The following EPHA6 variants were observed in gnomAD, a reference collection of about 807,000 sequenced individuals.
The protein encoded by EPHA6 is ephrin type-A receptor 6.
In EPHA6, 50 loss-of-function variants were observed where a neutral mutation model predicts 112.0. That is an observed-to-expected ratio of 0.45 (90% CI 0.36 to 0.56). The LOEUF (loss-of-function observed/expected upper bound fraction) is 0.56, where lower values mean the gene tolerates loss of function less well. EPHA6 is among the 20% of genes least tolerant of loss of function. The pLI is 0.00. For synonymous variants in EPHA6, 529 were observed against 490.7 expected (o/e 1.08, Z -1.03); for missense variants, 1,280 against 1,417.4 (o/e 0.90, Z 1.56).
At chr3:97,679,888 G>T (rs2031721411) in intron 14 of EPHA6, among the ~76,000 whole-genome samples, 1 of 152,124 alleles carries the variant, frequency 6.6e-6, no homozygotes, top group Admixed American at 6.6e-5. Context: ...TTAACCCTTT[G>T]TGACCCAAAG....
At chr3:96,854,575 A>T (rs977467629) in intron 1 of EPHA6, among the ~76,000 whole-genome samples, 2 of 152,150 alleles carry the variant, frequency 1.3e-5, no homozygotes, top group Non-Finnish European at 2.9e-5. Flanking sequence ...CCAACTTTAT[A>T]CATAGAACCT....
intron 2 of EPHA6, among the ~76,000 whole-genome samples, chr3:96,938,593 T>G (rs28874123): frequency 6.6e-6 from 1 of 151,986 alleles, no homozygotes; most frequent in Non-Finnish European, 1.5e-5. Flanking sequence ...AATTGAATAC[T>G]CTTTATTTCC....
chr3:97,139,269 C>T (rs1286667781), intron 3 of EPHA6, among the ~76,000 whole-genome samples: 3 of 152,200 alleles, frequency 2.0e-5, no homozygotes, highest in African/African-American at 7.2e-5. Flanking sequence ...ACCAACACAG[C>T]TGCCTCTCTC....
At chr3:97,734,294 C>T (rs1386853802) in intron 15 of EPHA6, among the ~76,000 whole-genome samples, 1 of 152,000 alleles carries the variant, frequency 6.6e-6, no homozygotes, top group Non-Finnish European at 1.5e-5. Context: ...AAATGGAATT[C>T]TATGCTATTT....
At chr3:97,539,906 G>A (rs112599442) in intron 11 of EPHA6, among the ~76,000 whole-genome samples, 1 of 152,126 alleles carries the variant, frequency 6.6e-6, no homozygotes, top group East Asian at 1.9e-4. Context: ...AGCTGACCAG[G>A]AAATAATAGA....
chr3:97,379,207 CT>C (rs2085564574), intron 5 of EPHA6, among the ~76,000 whole-genome samples: 3 of 152,234 alleles, frequency 2.0e-5, no homozygotes, highest in Admixed American at 6.5e-5. Context: ...CTTGAAGTGC[CT>C]TTCAGCTCCC....
At chr3:97,001,284 T>TA (rs537921538) in intron 3 of EPHA6, among the ~76,000 whole-genome samples, 4 of 151,908 alleles carry the variant, frequency 2.6e-5, no homozygotes, top group African/African-American at 9.7e-5. Context: ...GTATTTTACA[T>TA]AAATACATTC....
At chr3:97,492,314 G>C (rs1175339936) in intron 10 of EPHA6, among the ~76,000 whole-genome samples, 1 of 151,616 alleles carries the variant, frequency 6.6e-6, no homozygotes, top group African/African-American at 2.4e-5. Context: ...AGGCCGAGGC[G>C]TGCAGATCAT....
chr3:97,553,371 T>G (rs2093056041), intron 11 of EPHA6, among the ~76,000 whole-genome samples: 2 of 152,190 alleles, frequency 1.3e-5, no homozygotes, highest in South Asian at 4.1e-4. Context: ...AAATCTAAAG[T>G]AGCCCTCCCC....
Position 97,758,670 on chromosome 3 carries a change from T to C in EPHA6, c.*9969T>C, listed in dbSNP as rs928738379. ...TTAAAAATGTTACATAGCATGACTG[T>C]GGCTCCTTTAAGCGGTAGAGGAAAT... On this transcript the variant is annotated 3_prime_UTR_variant, in exon 18 of 18. Coordinates refer to ENST00000389672, the MANE Select transcript of EPHA6 (RefSeq NM_001080448.3). Among the ~76,000 whole-genome samples, 1 of 151,982 alleles carries C rather than the reference T, an allele frequency of 6.6e-6. No individual in the cohort carries two copies. The highest frequency in any genetic ancestry group is 6.6e-5 in the Admixed American group (1 of 15,244).
At position 96,815,112 on chromosome 3, in the gene EPHA6, G is replaced by T. The variant is rs138975686; in HGVS notation, c.385+104G>T. 1.9e-3 allele frequency: 2,169 copies of T among 1,166,364 alleles called. 21 individuals carry two copies. The African/African-American group carries it at 0.024, about 13-fold the overall frequency. 72.3% of individuals were successfully genotyped at this position (1,166,364 alleles called of 1,614,324 possible). On this transcript the variant is annotated intron_variant, in intron 1 of 17. Coordinates refer to ENST00000389672, the MANE Select transcript of EPHA6 (RefSeq NM_001080448.3). Reference sequence around the variant, plus strand: ...CAGGTAACTTTGTACAGGGGTCAGAGTCTCCTGGCTCGCCACACGAGGGGA... The same window carrying T: ...CAGGTAACTTTGTACAGGGGTCAGATTCTCCTGGCTCGCCACACGAGGGGA...
intron 14 of EPHA6, among the ~76,000 whole-genome samples, chr3:97,709,155 CAAA>C (rs34571358): frequency 4.5e-4 from 53 of 117,272 alleles, no homozygotes; most frequent in Admixed American, 7.7e-4. Context: ...CCATGCAAGT[CAAA>C]AAAAAAAAAA....
intron 14 of EPHA6, among the ~76,000 whole-genome samples, chr3:97,681,634 C>T (rs959761522): frequency 4.6e-5 from 7 of 152,030 alleles, no homozygotes; most frequent in Admixed American, 2.0e-4. Flanking sequence ...AATAATACCA[C>T]TTATATAAAT....
rs145837702 is a variant in EPHA6, at chr3:97,128,260, T to C, written c.1115-98004T>C. 6.9e-3 allele frequency among the ~76,000 whole-genome samples: 1,055 copies of C among 152,352 alleles called. 11 individuals are homozygous for C. The highest frequency in any genetic ancestry group is 0.024 in the African/African-American group (998 of 41,574). On this transcript the variant is annotated intron_variant, in intron 3 of 17. Coordinates refer to ENST00000389672, the MANE Select transcript of EPHA6 (RefSeq NM_001080448.3). ...CATATTTTCTTTATTCATCAGTTGATGGGCAATTAGACTGAATCCATATGT... is the reference window on the plus strand; with the variant it reads ...CATATTTTCTTTATTCATCAGTTGACGGGCAATTAGACTGAATCCATATGT...
In EPHA6 at chr3:97,555,683, G is replaced by A. The variant is rs1000753105; in HGVS notation, c.2386+23140G>A. ...TGCATTTCTCTGATGGCCAGTGATGGTGAGCATTTTTTCATGTGTTTTTTG... is the reference window on the plus strand; with the variant it reads ...TGCATTTCTCTGATGGCCAGTGATGATGAGCATTTTTTCATGTGTTTTTTG... On this transcript the variant is annotated intron_variant, in intron 11 of 17. Coordinates refer to ENST00000389672, the MANE Select transcript of EPHA6 (RefSeq NM_001080448.3). 2.6e-5 allele frequency among the ~76,000 whole-genome samples: 4 copies of A among 152,196 alleles called. No individual in the cohort carries two copies. In the East Asian group the frequency reaches 7.7e-4, roughly 29 times the overall value.
chr3:97,650,109 A>G (rs1223903320), intron 14 of EPHA6, among the ~76,000 whole-genome samples: 1 of 152,126 alleles, frequency 6.6e-6, no homozygotes, highest in Non-Finnish European at 1.5e-5. Flanking sequence ...AATCCACAAC[A>G]ATGGAGATGG....
At chr3:97,366,292 A>C (rs1479818277) in intron 5 of EPHA6, among the ~76,000 whole-genome samples, 3 of 152,190 alleles carry the variant, frequency 2.0e-5, no homozygotes, top group African/African-American at 4.8e-5. Context: ...TGGGTGGAAC[A>C]CTTTAATTAA....
chr3:96,954,505 C>G (rs1236519797), intron 2 of EPHA6, among the ~76,000 whole-genome samples: 1 of 152,080 alleles, frequency 6.6e-6, no homozygotes, highest in Non-Finnish European at 1.5e-5. Context: ...TCTTTTCATG[C>G]TCTTACCCCA....
intron 3 of EPHA6, among the ~76,000 whole-genome samples, chr3:97,225,234 C>T (rs967752763): frequency 3.3e-5 from 5 of 152,194 alleles, no homozygotes; most frequent in African/African-American, 1.2e-4. Flanking sequence ...GGATTACAGG[C>T]GTGAGCCACC....
Sources: gnomAD v4.1 joint callset for allele counts (sites outside exome capture counted in the v4.1 genomes callset) on GRCh38, gnomAD v4.1.1 for gene constraint, MANE v1.5 for transcripts, NCBI Gene and HGNC (gene_info 2026-07-23, HGNC 2026-07-21) for gene names.